RAI1: variants seen among roughly 807,000 people sequenced by gnomAD.
The protein encoded by RAI1 is retinoic acid-induced protein 1.
RAI1 carries 9 observed loss-of-function variants against 123.8 expected under a neutral mutation model. The ratio of observed to expected loss-of-function variants is 0.07; its 90% CI spans 0.04 to 0.13. The LOEUF is 0.13. Among genes scored for constraint, RAI1 ranks in the 10% least tolerant of loss-of-function variants. The pLI is 1.00. For missense variants in RAI1, 2,256 were observed against 2,545.8 expected (o/e 0.89, Z 2.45); for synonymous variants, 1,231 against 1,127.3 (o/e 1.09, Z -1.84).
intron 2 of RAI1, among the ~76,000 whole-genome samples, chr17:17,786,879 G>A (rs2031844023): frequency 6.6e-6 from 1 of 152,160 alleles, no homozygotes; most frequent in Admixed American, 6.5e-5. Context: ...CTCGAGACCA[G>A]CCTGACCAAT....
At position 17,797,045 on chromosome 17, in the gene RAI1, G is replaced by A. The variant is rs140001376; in HGVS notation, c.4097G>A (p.Arg1366His). 8.7e-6 allele frequency: 14 copies of A among 1,613,914 alleles called. No homozygotes were observed. The highest frequency in any genetic ancestry group is 8.3e-5 in the Admixed American group (5 of 60,034). The change falls in exon 3 of 6, where the codon CGT becomes CAT. Residue 1366 changes from arginine (R) to histidine (H), a missense_variant. By Grantham distance (29) the Arg-to-His change is conservative (BLOSUM62 0). This residue lies in a region of RAI1 where 322 missense variants were observed against 358.0 expected (regional missense o/e 0.90). Coordinates refer to ENST00000353383, the MANE Select transcript of RAI1 (RefSeq NM_030665.4). Reference sequence around the variant, plus strand: ...AGCCCATCCCTTTCCGACAAAGACCGTGGGCTCAAGGGTGCTGGGGGCAGC... The same window carrying A: ...AGCCCATCCCTTTCCGACAAAGACCATGGGCTCAAGGGTGCTGGGGGCAGC... The part of the protein sequence containing the change: ...PLSPSLSDKD[R>H]GLKGAGGSPV...
intron 1 of RAI1, among the ~76,000 whole-genome samples, chr17:17,689,429 CAG>C (rs1364220529): frequency 2.6e-5 from 4 of 152,156 alleles, no homozygotes; most frequent in South Asian, 2.1e-4. Flanking sequence ...GTTTTCTGGC[CAG>C]AGTTTCTGTA....
rs537753194 is a variant in RAI1, at chr17:17,738,504, G to A, written c.-17+14345G>A. ...CTGGGTGGTCCCTGCTGCCCTACAC[G>A]GCCTTGGGCCTGGCCTGTCTGCGGG... On this transcript the variant is annotated intron_variant, in intron 2 of 5. Coordinates refer to ENST00000353383, the MANE Select transcript of RAI1 (RefSeq NM_030665.4). Among the ~76,000 whole-genome samples the A allele has an allele frequency of 5.9e-5, 9 of 152,272 alleles. No individual in the cohort carries two copies. The East Asian group carries it at 1.7e-3, about 29-fold the overall frequency.
At chr17:17,709,247 G>A (rs192053803) in intron 1 of RAI1, among the ~76,000 whole-genome samples, 1 of 152,296 alleles carries the variant, frequency 6.6e-6, no homozygotes, top group Non-Finnish European at 1.5e-5. Flanking sequence ...GAGTACCTAG[G>A]GAGAGCAGAG....
At chr17:17,772,288 C>G (rs2031190663) in intron 2 of RAI1, among the ~76,000 whole-genome samples, 1 of 152,170 alleles carries the variant, frequency 6.6e-6, no homozygotes, top group African/African-American at 2.4e-5. Flanking sequence ...GAATTTCTCC[C>G]TGCATTTCCA....
intron 2 of RAI1, among the ~76,000 whole-genome samples, chr17:17,752,636 C>A (rs920936518): frequency 6.6e-6 from 1 of 152,256 alleles, no homozygotes; most frequent in East Asian, 1.9e-4. Context: ...TAATCCTCAT[C>A]CGGCCGTGGG....
chr17:17,789,116 C>T (rs1304524874), intron 2 of RAI1, among the ~76,000 whole-genome samples: 1 of 152,352 alleles, frequency 6.6e-6, no homozygotes, highest in East Asian at 1.9e-4. Flanking sequence ...TGGCTTGCAT[C>T]CTGCTCCAAG....
At chr17:17,754,346 C>G (rs1206459314) in intron 2 of RAI1, among the ~76,000 whole-genome samples, 1 of 152,092 alleles carries the variant, frequency 6.6e-6, no homozygotes, top group Non-Finnish European at 1.5e-5. Flanking sequence ...AAGCAACTCT[C>G]CTGCCTCAGC....
At chr17:17,682,572 C>G (rs969485503) in intron 1 of RAI1, 1 of 152,046 alleles carries the variant, frequency 6.6e-6, no homozygotes, top group African/African-American at 2.4e-5. Context: ...AGGCAGGGAA[C>G]CCGGGAGGAG....
chr17:17,687,183 C>G (rs929496156), intron 1 of RAI1, among the ~76,000 whole-genome samples: 1 of 152,080 alleles, frequency 6.6e-6, no homozygotes, highest in African/African-American at 2.4e-5. Flanking sequence ...AGTGATCAGG[C>G]TGGGGGAGAG....
chr17:17,716,767 C>T (rs1466125632), intron 1 of RAI1, among the ~76,000 whole-genome samples: 2 of 152,088 alleles, frequency 1.3e-5, no homozygotes, highest in African/African-American at 2.4e-5. Flanking sequence ...ATGGAGGGGC[C>T]TCCTGTGTGG....
rs115106768 is a variant in RAI1, at chr17:17,700,979, C to T, written c.-149+19186C>T. Among the ~76,000 whole-genome samples the T allele has an allele frequency of 3.1e-3, 473 of 152,292 alleles. 6 individuals are homozygous for T. The highest frequency in any genetic ancestry group is 0.024 in the East Asian group (124 of 5,158). On this transcript the variant is annotated intron_variant, in intron 1 of 5. Coordinates refer to ENST00000353383, the MANE Select transcript of RAI1 (RefSeq NM_030665.4). ...GGGTTGAATGTGACCTCGCAGAGAC[C>T]CCAGATGCCTCATCTCGGCCTTACT...
chr17:17,715,834 A>G lies in RAI1; in HGVS notation c.-148-8194A>G, dbSNP rs184719823. Among the ~76,000 whole-genome samples the G allele has an allele frequency of 2.0e-5, 3 of 152,318 alleles. No homozygotes were observed. In the East Asian group the frequency reaches 5.8e-4, roughly 29 times the overall value. On this transcript the variant is annotated intron_variant, in intron 1 of 5. Transcript: ENST00000353383. ...TGCGGGTGTGAACTTGGAGGCTGTGAGAGGGCCAAGTTGCCCCTGGGAATC... is the reference window on the plus strand; with the variant it reads ...TGCGGGTGTGAACTTGGAGGCTGTGGGAGGGCCAAGTTGCCCCTGGGAATC...
intron 1 of RAI1, among the ~76,000 whole-genome samples, chr17:17,683,063 ACT>A (rs920213051): frequency 2.0e-5 from 3 of 151,976 alleles, no homozygotes; most frequent in Admixed American, 2.0e-4. Flanking sequence ...TCCCACCAAT[ACT>A]GTCCCCCGCC....
chr17:17,738,396 G>A (rs1916507360), intron 2 of RAI1, among the ~76,000 whole-genome samples: 1 of 150,782 alleles, frequency 6.6e-6, no homozygotes, highest in Non-Finnish European at 1.5e-5. Flanking sequence ...GCCTGGCGGG[G>A]CGGGGTGGGG....
Position 17,684,704 on chromosome 17 carries a change from A to ATATATATG in RAI1, c.-149+2914_-149+2915insATATGTAT, listed in dbSNP as rs1258508625. 9.9e-3 allele frequency: 1,174 copies of ATATATATG among 118,742 alleles called. 10 individuals carry two copies. The highest frequency in any genetic ancestry group is 0.04 in the East Asian group (140 of 3,494). The allele number at this position is 118,742 out of a possible 1,614,324, so 7.4% of individuals were successfully genotyped here. ...TATATATATATATATATATATATAT[A>ATATATATG]TATGTATGTATGTATGTATATTACA... On this transcript the variant is annotated intron_variant, in intron 1 of 5. Transcript: ENST00000353383.
rs2032374478 is a variant in RAI1, at chr17:17,799,169, G to A, written c.5565+656G>A. Among the ~76,000 whole-genome samples the A allele has an allele frequency of 6.6e-6, 1 of 152,218 alleles. No individual in the cohort carries two copies. Among genetic ancestry groups the A allele is most frequent in the Admixed American group, 6.5e-5 (1 of 15,286 alleles). On this transcript the variant is annotated intron_variant, in intron 3 of 5. Transcript: ENST00000353383. This position sits in a 1 kb window ranked among gnomAD's most constrained non-coding sequence, Gnocchi z 4.5. ...CCAACATGAGAGAGGGAACTCTGGGGCTGTGCCGCCATGCACCTTTGGGGC... is the reference window on the plus strand; with the variant it reads ...CCAACATGAGAGAGGGAACTCTGGGACTGTGCCGCCATGCACCTTTGGGGC...
intron 1 of RAI1, among the ~76,000 whole-genome samples, chr17:17,709,498 GC>G (rs1915499006): frequency 6.6e-6 from 1 of 152,156 alleles, no homozygotes; most frequent in South Asian, 2.1e-4. Context: ...GTCAGTCCTG[GC>G]TGGAAGCTGA....
intron 2 of RAI1, chr17:17,782,056 G>A (rs1400956001): frequency 3.3e-5 from 5 of 152,328 alleles, no homozygotes; most frequent in East Asian, 3.9e-4. Context: ...CGACAGCGCC[G>A]GGCTCCCCGC....
Sources: allele counts gnomAD v4.1 joint callset (sites outside exome capture counted in the v4.1 genomes callset), GRCh38; gene constraint gnomAD v4.1.1; regional missense constraint gnomAD v4.1.1; non-coding constraint Gnocchi (gnomAD v3.1); transcripts MANE v1.5; gene names NCBI Gene and HGNC (gene_info 2026-07-23, HGNC 2026-07-21).